The following DNAJC6 variants were observed in gnomAD, a reference collection of about 807,000 sequenced individuals.
The protein encoded by DNAJC6 is DnaJ heat shock protein family (Hsp40) member C6.
In DNAJC6, 34 loss-of-function variants were observed where a neutral mutation model predicts 110.0. That is an observed-to-expected ratio of 0.31 (90% confidence interval 0.24 to 0.41). The LOEUF is 0.41. DNAJC6 is among the 10% of genes least tolerant of loss of function. The pLI, the probability that DNAJC6 is intolerant of heterozygous loss-of-function variation, is 1.00. For synonymous variants in DNAJC6, 406 were observed against 437.2 expected (o/e 0.93, Z 0.89); for missense variants, 1,031 against 1,207.8 (o/e 0.85, Z 2.17).
chr1:65,334,249 C>T (rs1186063891), intron 1 of DNAJC6, among the ~76,000 whole-genome samples: 1 of 152,208 alleles, frequency 6.6e-6, no homozygotes, highest in Non-Finnish European at 1.5e-5. Context: ...GCTTGACAGC[C>T]TCTGGCAAGG....
intron 1 of DNAJC6, among the ~76,000 whole-genome samples, chr1:65,269,091 T>G (rs970383905): frequency 7.9e-5 from 12 of 152,012 alleles, no homozygotes; most frequent in Non-Finnish European, 1.6e-4. Flanking sequence ...TTGTCATGAC[T>G]GGGCGTGGTG....
At chr1:65,362,800 C>T (rs910023538) in intron 1 of DNAJC6, among the ~76,000 whole-genome samples, 3 of 152,214 alleles carry the variant, frequency 2.0e-5, no homozygotes, top group Non-Finnish European at 4.4e-5. Context: ...TACACAGATT[C>T]CTGCTTCCTT....
rs576007896 is a variant in DNAJC6, at chr1:65,284,349, G to T, written c.-131+19417G>T. On this transcript the variant is annotated intron_variant, in intron 1 of 19. Transcript: ENST00000263441. ...TCTTGCAGAAGCCAACTCCTCATGT[G>T]TGCTTATGTTCCCAGAGAGCCTCCA... Among the ~76,000 whole-genome samples, 25 of 152,304 alleles carry T rather than the reference G, an allele frequency of 1.6e-4. No individual in the cohort carries two copies. The South Asian group carries it at 5.0e-3, about 30-fold the overall frequency.
At chr1:65,311,114 G>A (rs986614288) in intron 1 of DNAJC6, among the ~76,000 whole-genome samples, 3 of 150,812 alleles carry the variant, frequency 2.0e-5, no homozygotes, top group Non-Finnish European at 4.4e-5. Context: ...TCTACTCATT[G>A]AAGCTCTTAT....
rs1162538490 is a variant in DNAJC6, at chr1:65,348,952, A to T, written c.194-15683A>T. 2.1e-5 allele frequency among the ~76,000 whole-genome samples: 3 copies of T among 145,554 alleles called. No individual in the cohort carries two copies. The Admixed American group carries it at 2.1e-4, about 10-fold the overall frequency. Reference sequence around the variant, plus strand: ...TTTGTGTGTGTGCATGTGTGTATATATATAAATATATATAAATATATATGT... The same window carrying T: ...TTTGTGTGTGTGCATGTGTGTATATTTATAAATATATATAAATATATATGT... On this transcript the variant is annotated intron_variant, in intron 1 of 18. Transcript: ENST00000371069.
chr1:65,375,448 C>T (rs1202121468), intron 4 of DNAJC6, among the ~76,000 whole-genome samples: 3 of 144,610 alleles, frequency 2.1e-5, no homozygotes, highest in Admixed American at 7.0e-5. Context: ...TTTTTGGAGA[C>T]GGAGTCTCGC....
At position 65,345,772 on chromosome 1, in the gene DNAJC6, G is replaced by A. The variant is rs1645431655; in HGVS notation, c.194-18863G>A. The stretch of plus-strand genomic sequence containing the variant: ...GGGATTTAGCCCATGTCTTCTGTAT[G>A]TAGAGTGCAGATCCAGGTTGGCTAC... On this transcript the variant is annotated intron_variant, in intron 1 of 18. Coordinates refer to ENST00000371069, the MANE Select transcript of DNAJC6 (RefSeq NM_001256864.2). 5.8e-6 allele frequency: 4 copies of A among 692,710 alleles called. No individual in the cohort carries two copies. The African/African-American group carries it at 5.9e-5, about 10-fold the overall frequency. 42.9% of individuals were successfully genotyped at this position (692,710 alleles called of 1,614,324 possible).
At position 65,315,742 on chromosome 1, in the gene DNAJC6, T is replaced by G. The variant is rs546330202; in HGVS notation, c.193+5804T>G. On this transcript the variant is annotated intron_variant, in intron 1 of 18. Coordinates refer to ENST00000371069, the MANE Select transcript of DNAJC6 (RefSeq NM_001256864.2). ...ACGGTCATCTTATAGTTGAATAAAC[T>G]AAGGCACAGAGAGGTTAAGTTGCGT... Among the ~76,000 whole-genome samples, 57 of 152,278 alleles carry G rather than the reference T, an allele frequency of 3.7e-4. No individual in the cohort carries two copies. The South Asian group carries it at 4.6e-3, about 12-fold the overall frequency.
intron 1 of DNAJC6, among the ~76,000 whole-genome samples, chr1:65,353,110 G>A (rs543150488): frequency 6.6e-6 from 1 of 152,130 alleles, no homozygotes; most frequent in Non-Finnish European, 1.5e-5. Flanking sequence ...TTCCAGGGTG[G>A]TAATTAAGAG....
chr1:65,373,978 C>T (rs1645734865), intron 4 of DNAJC6, among the ~76,000 whole-genome samples: 1 of 151,980 alleles, frequency 6.6e-6, no homozygotes, highest in South Asian at 2.1e-4. Flanking sequence ...AGATATAGGT[C>T]TATTTTCATT....
At chr1:65,411,546 T>C in intron 18 of DNAJC6, 120 bp downstream of exon 18, 1 of 919,882 alleles carries the variant, frequency 1.1e-6, no homozygotes, top group Non-Finnish European at 1.6e-6. Context: ...ATTAAGTCAA[T>C]GAGCTAAAAT....
chr1:65,413,032 A>G lies in DNAJC6; in HGVS notation c.*7A>G. On this transcript the variant is annotated 3_prime_UTR_variant, in exon 19 of 19. Transcript: ENST00000371069. ...CCAAAAGCCCTTATATTAATTTATG[A>G]GCTTTTCCATCTCTGCTGCAGACCT... is the stretch of plus-strand genomic sequence containing the variant. 6.2e-7 allele frequency: 1 copy of G among 1,612,146 alleles called. No individual in the cohort carries two copies. The highest frequency in any genetic ancestry group is 8.5e-7 in the Non-Finnish European group (1 of 1,178,454).
At chr1:65,376,793 G>A (rs765681042) in intron 4 of DNAJC6, among the ~76,000 whole-genome samples, 4 of 151,676 alleles carry the variant, frequency 2.6e-5, no homozygotes, top group African/African-American at 4.8e-5. Flanking sequence ...TTTTTGAGAC[G>A]AAGTCTTGCA....
At chr1:65,281,414 G>A (rs1004959588) in intron 1 of DNAJC6, among the ~76,000 whole-genome samples, 5 of 151,840 alleles carry the variant, frequency 3.3e-5, no homozygotes, top group East Asian at 1.9e-4. Flanking sequence ...ATTAATAGTC[G>A]CTCCCCTTTT....
upstream of DNAJC6, among the ~76,000 whole-genome samples, chr1:65,304,932 A>G (rs1645023901): frequency 6.6e-6 from 1 of 152,232 alleles, no homozygotes; most frequent in African/African-American, 2.4e-5. Flanking sequence ...GGACCGACAA[A>G]ACACATCTGG....
At chr1:65,403,413 A>G (rs1335520044) in intron 15 of DNAJC6, among the ~76,000 whole-genome samples, 1 of 152,200 alleles carries the variant, frequency 6.6e-6, no homozygotes, top group South Asian at 2.1e-4. Context: ...AGTTCAGTTC[A>G]TCCAGTCAAT....
intron 1 of DNAJC6, among the ~76,000 whole-genome samples, chr1:65,342,325 C>A (rs1188631628): frequency 6.6e-6 from 1 of 152,076 alleles, no homozygotes; most frequent in African/African-American, 2.4e-5. Flanking sequence ...GAGGTAGGGC[C>A]TTTGGGAGGT....
At chr1:65,406,343 A>G (rs917268937) in intron 16 of DNAJC6, among the ~76,000 whole-genome samples, 10 of 152,262 alleles carry the variant, frequency 6.6e-5, no homozygotes, top group Admixed American at 3.9e-4. Flanking sequence ...CCTAACTTTT[A>G]TACCATTTTG....
chr1:65,364,822 C>A (rs771904773), intron 2 of DNAJC6, 37 bp downstream of exon 2: 1 of 1,608,180 alleles, frequency 6.2e-7, no homozygotes, highest in Non-Finnish European at 8.5e-7. Flanking sequence ...AGTGGATCCC[C>A]ATGCTCTCAA....
Sources: gnomAD v4.1 joint callset for allele counts (sites outside exome capture counted in the v4.1 genomes callset) on GRCh38, gnomAD v4.1.1 for gene constraint, MANE v1.5 for transcripts, NCBI Gene and HGNC (gene_info 2026-07-23, HGNC 2026-07-21) for gene names.